The following IRAG1 variants were observed in gnomAD, a reference collection of about 807,000 sequenced individuals.
IRAG1 encodes IP3R-associated cGMP kinase substrate.
A neutral mutation model predicts 106.2 loss-of-function variants in IRAG1; 62 were observed. That is an observed-to-expected ratio of 0.58 (90% CI 0.48 to 0.72). The LOEUF (loss-of-function observed/expected upper bound fraction) is 0.72. Ranked by LOEUF, IRAG1 falls within the 30% of genes least tolerant of loss-of-function variation. The probability of loss-of-function intolerance (pLI) is 0.00; values close to 1 mark genes in which losing one functional copy is unlikely to be tolerated. For missense variants in IRAG1, 1,064 were observed against 1,140.7 expected (o/e 0.93, Z 0.97); for synonymous variants, 462 against 443.9 (o/e 1.04, Z -0.51).
In IRAG1 at chr11:10,647,390, T is replaced by C. The variant is rs1406419224; in HGVS notation, c.225+4635A>G. 6.6e-6 allele frequency among the ~76,000 whole-genome samples: 1 copy of C among 152,210 alleles called. No homozygotes were observed. Among genetic ancestry groups the C allele is most frequent in the Non-Finnish European group, 1.5e-5 (1 of 68,034 alleles). Reference sequence around the variant, plus strand: ...TTATATGTTAAATGAGTTAATATGGTAGACGAGTATCTGGCACAGGGTTAG... The same window carrying C: ...TTATATGTTAAATGAGTTAATATGGCAGACGAGTATCTGGCACAGGGTTAG... On this transcript the variant is annotated intron_variant, in intron 2 of 20. Coordinates refer to ENST00000423302, the MANE Select transcript of IRAG1 (RefSeq NM_130385.4). The surrounding 1 kb of genome is among the most constrained non-coding windows in gnomAD (Gnocchi z 4.3).
In IRAG1 at chr11:10,625,955, C is replaced by T. The variant is rs1322465222; in HGVS notation, c.1368+11G>A. 8 of 1,464,544 alleles carry T rather than the reference C, an allele frequency of 5.5e-6. No individual in the cohort carries two copies. The African/African-American group carries it at 1.1e-4, about 21-fold the overall frequency. 90.7% of individuals were successfully genotyped at this position (1,464,544 alleles called of 1,614,324 possible). On this transcript the variant is annotated intron_variant, in intron 9 of 20. Transcript: ENST00000423302. ...GTACACACTCTGCCCAACTGGCCCC[C>T]AGGAACCCACCTCTCGGAGCTTGGT... is the stretch of plus-strand genomic sequence containing the variant.
Position 10,680,355 on chromosome 11 carries a change from AAG to A in IRAG1, c.67+13179_67+13180del, listed in dbSNP as rs1491288338. ...AAGGAAGGAAGGAAGGAAAGAAAGA[AAG>A]AAAGAAAGAAAGAAGGAAGGAAGGA... On this transcript the variant is annotated intron_variant, in intron 1 of 20. Coordinates refer to ENST00000423302, the MANE Select transcript of IRAG1 (RefSeq NM_130385.4). 2.2e-3 allele frequency among the ~76,000 whole-genome samples: 195 copies of A among 90,514 alleles called. 6 individuals are homozygous for A. The highest frequency in any genetic ancestry group is 5.8e-3 in the African/African-American group (119 of 20,684). The allele number at this position is 90,514 out of a possible 152,430, so 59.4% of individuals were successfully genotyped here. A position where few individuals can be genotyped will look rare whatever the true frequency, so the allele number is the denominator to read the frequency against.
At chr11:10,684,911 G>A (rs1021243829) in intron 1 of IRAG1, among the ~76,000 whole-genome samples, 7 of 152,098 alleles carry the variant, frequency 4.6e-5, no homozygotes, top group Admixed American at 3.9e-4. Flanking sequence ...CCATTTTATA[G>A]AGCATTTTTC....
chr11:10,585,726 A>G (rs1851896339), intron 18 of IRAG1, among the ~76,000 whole-genome samples: 1 of 152,020 alleles, frequency 6.6e-6, no homozygotes, highest in African/African-American at 2.4e-5. Context: ...ATATGTGCCC[A>G]TTCTTCTGAC....
At chr11:10,621,887 G>A (rs987308232) in intron 10 of IRAG1, among the ~76,000 whole-genome samples, 3 of 152,174 alleles carry the variant, frequency 2.0e-5, no homozygotes, top group Admixed American at 2.0e-4. Context: ...ATTTCTAGGA[G>A]GGATCTAGAA....
At position 10,647,087 on chromosome 11, in the gene IRAG1, G is replaced by A. The variant is rs527720542; in HGVS notation, c.225+4938C>T. Among the ~76,000 whole-genome samples, 30 of 152,332 alleles carry A rather than the reference G, an allele frequency of 2.0e-4. No homozygotes were observed. The highest frequency in any genetic ancestry group is 6.3e-4 in the African/African-American group (26 of 41,592). On this transcript the variant is annotated intron_variant, in intron 2 of 20. Coordinates refer to ENST00000423302, the MANE Select transcript of IRAG1 (RefSeq NM_130385.4). This position sits in a 1 kb window ranked among gnomAD's most constrained non-coding sequence, Gnocchi z 4.3. ...GGTGCTTTGGCATTCCCCTGACAGC[G>A]AGCTCTGAAGTTGGCCCTTCTGAGG...
Position 10,659,474 on chromosome 11 carries a change from C to T in IRAG1, c.68-7292G>A, listed in dbSNP as rs1418337066. Among the ~76,000 whole-genome samples, 3 of 152,130 alleles carry T rather than the reference C, an allele frequency of 2.0e-5. No homozygotes were observed. Among genetic ancestry groups the T allele is most frequent in the South Asian group, 2.1e-4 (1 of 4,830 alleles). On this transcript the variant is annotated intron_variant, in intron 1 of 20. Transcript: ENST00000423302. The surrounding 1 kb of genome is among the most constrained non-coding windows in gnomAD (Gnocchi z 4.1). Reference sequence around the variant, plus strand: ...AGACTGTGTCCCCTAAACAAAGTCACGTTTCGGGAGGCTGGCCCTGAGAAC... The same window carrying T: ...AGACTGTGTCCCCTAAACAAAGTCATGTTTCGGGAGGCTGGCCCTGAGAAC...
intron 1 of IRAG1, among the ~76,000 whole-genome samples, chr11:10,686,546 T>C (rs1042396668): frequency 6.6e-6 from 1 of 152,210 alleles, no homozygotes; most frequent in Non-Finnish European, 1.5e-5. Context: ...GTGGGGAAGC[T>C]GCTCCAGTGC....
chr11:10,614,576 A>G (rs2134439027), intron 10 of IRAG1, among the ~76,000 whole-genome samples: 1 of 152,348 alleles, frequency 6.6e-6, no homozygotes, highest in East Asian at 1.9e-4. Flanking sequence ...ACAGCATGGT[A>G]CTGGTACCAA....
In IRAG1 at chr11:10,647,961, G is replaced by A. The variant is rs1001577388; in HGVS notation, c.225+4064C>T. ...TATAGGTTGTATGGAGGGCAGAACC[G>A]AGGGAGAGTCTTGGGGGAGGCAGAT... is the stretch of plus-strand genomic sequence containing the variant. On this transcript the variant is annotated intron_variant, in intron 2 of 20. Coordinates refer to ENST00000423302, the MANE Select transcript of IRAG1 (RefSeq NM_130385.4). The surrounding 1 kb of genome is among the most constrained non-coding windows in gnomAD (Gnocchi z 4.3). Among the ~76,000 whole-genome samples, 1 of 152,200 alleles carries A rather than the reference G, an allele frequency of 6.6e-6. No individual in the cohort carries two copies. The highest frequency in any genetic ancestry group is 2.4e-5 in the African/African-American group (1 of 41,440).
At chr11:10,581,756 C>T in intron 19 of IRAG1, 111 bp downstream of exon 19, 1 of 1,343,140 alleles carries the variant, frequency 7.4e-7, no homozygotes, top group Non-Finnish European at 1.0e-6. Flanking sequence ...GCAAGGAGGT[C>T]CTGCGGCCAC....
rs762220840 is a variant in IRAG1, at chr11:10,609,854, G to GA, written c.1448-4dup. ...TGGGGAGAGTTCAGAAGGAAGCCCT[G>GA]AAAAAAAAGTGCTTACTTATAAAAT... On this transcript the variant is annotated splice_polypyrimidine_tract_variant and splice_region_variant and intron_variant, in intron 10 of 20. Coordinates refer to ENST00000423302, the MANE Select transcript of IRAG1 (RefSeq NM_130385.4). 3.2e-5 allele frequency: 52 copies of GA among 1,605,040 alleles called. 1 individual carries two copies. The highest frequency in any genetic ancestry group is 4.2e-5 in the Non-Finnish European group (49 of 1,177,056).
chr11:10,614,668 C>A (rs997331544), intron 10 of IRAG1, among the ~76,000 whole-genome samples: 1 of 152,100 alleles, frequency 6.6e-6, no homozygotes, highest in African/African-American at 2.4e-5. Context: ...CTTTGACAAA[C>A]CTGACAAAAA....
chr11:10,622,896 C>CACACACACACACACACACACACACAT (rs543628217), intron 10 of IRAG1, among the ~76,000 whole-genome samples: 71 of 152,078 alleles, frequency 4.7e-4, no homozygotes, highest in South Asian at 1.0e-3. Context: ...CACACACACA[C>CACACACACACACACACACACACACAT]ACACACTCCT....
At chr11:10,661,974 A>G (rs1859440185) in intron 1 of IRAG1, among the ~76,000 whole-genome samples, 2 of 152,174 alleles carry the variant, frequency 1.3e-5, no homozygotes, top group Admixed American at 1.3e-4. Context: ...TGCCTTATTC[A>G]TAGCTTTATG....
chr11:10,635,006 G>A (rs968175838), intron 2 of IRAG1, among the ~76,000 whole-genome samples: 8 of 152,078 alleles, frequency 5.3e-5, no homozygotes, highest in Non-Finnish European at 1.0e-4. Context: ...TAAGATTAGG[G>A]ACACTACAAG....
At chr11:10,632,190 CTTTTT>C (rs35138815) in intron 3 of IRAG1, 129 bp from the exon 4 acceptor site, 38 of 563,294 alleles carry the variant, frequency 6.7e-5, no homozygotes, top group Middle Eastern at 5.1e-4. Context: ...TTCTTTCTTT[CTTTTT>C]TTTTTTTTTT....
At chr11:10,685,795 T>C (rs143504459) in intron 1 of IRAG1, among the ~76,000 whole-genome samples, 51 of 151,798 alleles carry the variant, frequency 3.4e-4, no homozygotes, top group African/African-American at 1.2e-3. Context: ...AGTCTCTACA[T>C]AAGCAATCAA....
At chr11:10,658,365 T>G (rs947825339) in intron 1 of IRAG1, 1 of 152,276 alleles carries the variant, frequency 6.6e-6, no homozygotes, top group African/African-American at 2.4e-5. Flanking sequence ...CATTTGAAAA[T>G]GGAGGTAATA....
Sources: allele counts gnomAD v4.1 joint callset (sites outside exome capture counted in the v4.1 genomes callset), GRCh38; gene constraint gnomAD v4.1.1; non-coding constraint Gnocchi (gnomAD v3.1); transcripts MANE v1.5; gene names NCBI Gene and HGNC (gene_info 2026-07-23, HGNC 2026-07-21).